The following MYL4 variants were observed in gnomAD, a reference collection of about 807,000 sequenced individuals.
MYL4 encodes the protein myosin light chain 4.
A neutral mutation model predicts 21.6 loss-of-function variants in MYL4; 16 were observed. That is an observed-to-expected ratio of 0.74 (90% confidence interval 0.50 to 1.12). The LOEUF (loss-of-function observed/expected upper bound fraction) is 1.12, where lower values mean the gene tolerates loss of function less well. Among genes scored for constraint, MYL4 ranks in the 50% most tolerant of loss-of-function variants. The pLI is 0.00. For synonymous variants in MYL4, 82 were observed against 95.7 expected, an observed-to-expected ratio of 0.86 and a Z score of 0.83; for missense variants, 249 against 252.9, an observed-to-expected ratio of 0.98 and a Z score of 0.11.
upstream of MYL4, among the ~76,000 whole-genome samples, chr17:47,204,306 A>G (rs1478519190): frequency 6.6e-6 from 1 of 152,172 alleles, no homozygotes; most frequent in Non-Finnish European, 1.5e-5. Context: ...AATTCAAAAC[A>G]AGGTCCTCTC....
chr17:47,219,881 A>G (rs2149047321), intron 2 of MYL4, 23 bp from the exon 3 acceptor site: 2 of 1,614,150 alleles, frequency 1.2e-6, no homozygotes, highest in Non-Finnish European at 1.7e-6. Context: ...ATTGGAAGGT[A>G]TAGCTGGGTC....
intron 2 of MYL4, among the ~76,000 whole-genome samples, chr17:47,216,706 T>A (rs2097714572): frequency 1.3e-5 from 2 of 150,850 alleles, no homozygotes; most frequent in Admixed American, 6.6e-5. Flanking sequence ...TTTCTTTTTT[T>A]TTTTTGAGAC....
intron 2 of MYL4, 88 bp from the exon 3 acceptor site, chr17:47,219,816 T>G (rs2064841130): frequency 6.7e-7 from 1 of 1,491,304 alleles, no homozygotes; most frequent in Non-Finnish European, 9.3e-7. Context: ...CACACTCACC[T>G]GCTATTCAGC....
the MYL4 span, chr17:47,189,513 A>T: frequency 7.7e-6 from 3 of 389,802 alleles, no homozygotes; most frequent in Admixed American, 1.1e-4. Context: ...CACGCACACC[A>T]CGCCCAATCG....
At chr17:47,222,266 C>G (rs2064861916) in intron 4 of MYL4, 114 bp from the exon 5 acceptor site, 1 of 1,036,974 alleles carries the variant, frequency 9.6e-7, no homozygotes, top group Non-Finnish European at 1.5e-6. Context: ...GTTTGAACCA[C>G]CTCCCAGATC....
chr17:47,216,170 T>A (rs1238209205), intron 2 of MYL4, among the ~76,000 whole-genome samples: 1 of 152,088 alleles, frequency 6.6e-6, no homozygotes, highest in African/African-American at 2.4e-5. Context: ...TCCAGACTTC[T>A]GTATTCTTTT....
chr17:47,201,370 T>G (rs190370602), intron 1 of MYL4, among the ~76,000 whole-genome samples: 232 of 152,296 alleles, frequency 1.5e-3, no homozygotes, highest in Non-Finnish European at 1.9e-3. Context: ...TACAGAGGAT[T>G]GGGTTAATCA....
intron 6 of MYL4, 181 bp downstream of exon 6, chr17:47,223,238 G>A: frequency 1.6e-6 from 1 of 624,530 alleles, no homozygotes; most frequent in Non-Finnish European, 2.8e-6. Flanking sequence ...GCCCTTGCCT[G>A]TTCACCCTGT....
At chr17:47,202,008 TG>T (rs1219834992) in intron 1 of MYL4, among the ~76,000 whole-genome samples, 1 of 152,086 alleles carries the variant, frequency 6.6e-6, no homozygotes, top group Non-Finnish European at 1.5e-5. Context: ...TTTTTTGAGA[TG>T]GAGTCTCATT....
At chr17:47,202,498 G>A (rs1304225644) in intron 1 of MYL4, among the ~76,000 whole-genome samples, 3 of 152,116 alleles carry the variant, frequency 2.0e-5, no homozygotes, top group Non-Finnish European at 4.4e-5. Flanking sequence ...TTTCTTTAAT[G>A]TTTACATGCA....
rs570242565 is a variant in MYL4 at position 47,213,928 on chromosome 17, A to G, written c.163+102A>G. 1.6e-4 allele frequency: 208 copies of G among 1,330,204 alleles called. No individual in the cohort carries two copies. The African/African-American group carries it at 2.9e-3, about 18-fold the overall frequency. The allele number at this position is 1,330,204 out of a possible 1,614,324, so 82.4% of individuals were successfully genotyped here. ...GAGTAGTTGTCCTCATGGTAATAGTAATCACTGTCATCATCATAGCAAACC... is the reference window on the plus strand; with the variant it reads ...GAGTAGTTGTCCTCATGGTAATAGTGATCACTGTCATCATCATAGCAAACC... On this transcript the variant is annotated intron_variant, in intron 2 of 6. Transcript: ENST00000393450.
At chr17:47,221,577 A>G in intron 3 of MYL4, 105 bp from the exon 4 acceptor site, 1 of 1,348,712 alleles carries the variant, frequency 7.4e-7, no homozygotes, top group Non-Finnish European at 1.0e-6. Context: ...CTGCAGCCCA[A>G]GCCCTGGGTG....
chr17:47,221,998 TC>T, intron 4 of MYL4, 143 bp downstream of exon 4: 1 of 971,522 alleles, frequency 1.0e-6, no homozygotes, highest in Non-Finnish European at 1.5e-6. Context: ...AGGCCCTGTC[TC>T]CCTGGGCTCT....
intron 2 of MYL4, among the ~76,000 whole-genome samples, chr17:47,214,837 TTAA>T (rs1165631401): frequency 6.6e-6 from 1 of 152,218 alleles, no homozygotes; most frequent in Non-Finnish European, 1.5e-5. Flanking sequence ...ATACTTGGAT[TTAA>T]TAATATACAG....
upstream of MYL4, among the ~76,000 whole-genome samples, chr17:47,197,092 G>T (rs1403516257): frequency 8.8e-6 from 1 of 113,378 alleles, no homozygotes; most frequent in African/African-American, 3.7e-5. Context: ...TCCTTAAAGG[G>T]TTTTTTTTTT....
At chr17:47,189,846 A>C in the MYL4 span, among the ~76,000 whole-genome samples, 13,907 of 152,292 alleles carry the variant, frequency 0.091, 1,200 homozygotes, top group East Asian at 0.47. Flanking sequence ...TTCTGTCTTC[A>C]AGGAGATTAA....
chr17:47,209,123 C>A, upstream of MYL4: 1 of 509,284 alleles, frequency 2.0e-6, no homozygotes, highest in Non-Finnish European at 3.5e-6. Context: ...GGGTTTCCAC[C>A]AATTGGCAAG....
chr17:47,218,881 G>A (rs1021303777), intron 2 of MYL4, among the ~76,000 whole-genome samples: 1 of 152,198 alleles, frequency 6.6e-6, no homozygotes, highest in Non-Finnish European at 1.5e-5. Flanking sequence ...CTTGCTGCAG[G>A]GATACTTGCC....
At chr17:47,192,316 T>C in the MYL4 span, among the ~76,000 whole-genome samples, 2 of 147,226 alleles carry the variant, frequency 1.4e-5, no homozygotes, top group African/African-American at 5.1e-5. Flanking sequence ...ATTGCGCCAT[T>C]GTTCTCCAGC....
Sources: gnomAD v4.1 joint callset for allele counts (sites outside exome capture counted in the v4.1 genomes callset) on GRCh38, gnomAD v4.1.1 for gene constraint, MANE v1.5 for transcripts, NCBI Gene and HGNC (gene_info 2026-07-23, HGNC 2026-07-21) for gene names.